Variants in SEC24C observed in about 807,000 individuals in gnomAD.
The protein encoded by SEC24C is SEC24 homolog C, COPII component.
In SEC24C, 22 loss-of-function variants were observed where a neutral mutation model predicts 117.0. That is an observed-to-expected ratio of 0.19 (90% confidence interval 0.13 to 0.27). The LOEUF is 0.27. Among genes scored for constraint, SEC24C ranks in the 10% least tolerant of loss-of-function variants. SEC24C has a pLI of 1.00. For synonymous variants in SEC24C, 506 were observed against 529.4 expected, an observed-to-expected ratio of 0.96 and a Z score of 0.61; for missense variants, 1,155 against 1,375.1, an observed-to-expected ratio of 0.84 and a Z score of 2.53.
intron 6 of SEC24C, 86 bp downstream of exon 6, chr10:73,760,935 T>C (rs2082788150): frequency 7.4e-7 from 1 of 1,355,586 alleles, no homozygotes; most frequent in Non-Finnish European, 9.9e-7. Flanking sequence ...TGCCTAGCAT[T>C]TTCTGATAAT....
chr10:73,764,119 G>A lies in SEC24C; in HGVS notation c.1227+136G>A, dbSNP rs1196489688. 4 of 1,192,560 alleles carry A rather than the reference G, an allele frequency of 3.4e-6. 1 individual carries two copies. Among genetic ancestry groups the A allele is most frequent in the Admixed American group, 5.6e-5 (2 of 35,704 alleles). The allele number at this position is 1,192,560 out of a possible 1,614,324, so 73.9% of individuals were successfully genotyped here. A position where few individuals can be genotyped will look rare whatever the true frequency, so the allele number is the denominator to read the frequency against. On this transcript the variant is annotated intron_variant, in intron 8 of 22. Transcript: ENST00000345254. Reference sequence around the variant, plus strand: ...GCAGGAGAGGAGACTGTCTTTAGTGGCTTTCTATCCCAGGGCCCATGCCTG... The same window carrying A: ...GCAGGAGAGGAGACTGTCTTTAGTGACTTTCTATCCCAGGGCCCATGCCTG...
rs2082978693 is a variant in SEC24C at position 73,771,262 on chromosome 10, C to G, written c.*167C>G. 5.6e-6 allele frequency: 4 copies of G among 720,190 alleles called. No individual in the cohort carries two copies. The highest frequency in any genetic ancestry group is 1.8e-5 in the African/African-American group (1 of 56,104). The allele number at this position is 720,190 out of a possible 1,614,324, so 44.6% of individuals were successfully genotyped here. ...CTTTCTGGGCTCAAGTATCCTGCCACTCTGTCATGTCCTGCTGATGGAAGG... is the reference window on the plus strand; with the variant it reads ...CTTTCTGGGCTCAAGTATCCTGCCAGTCTGTCATGTCCTGCTGATGGAAGG... On this transcript the variant is annotated 3_prime_UTR_variant, in exon 23 of 23. Coordinates refer to ENST00000345254, the MANE Select transcript of SEC24C (RefSeq NM_198597.3).
Position 73,746,848 on chromosome 10 carries a change from T to G in SEC24C, c.16T>G (p.Ser6Ala). The change falls in exon 2 of 23, where the codon TCA becomes GCA. Residue 6 changes from serine to alanine, a missense_variant. Physicochemically the swap from Ser to Ala is moderately conservative, Grantham distance 99 (BLOSUM62 1). Coordinates refer to ENST00000345254, the MANE Select transcript of SEC24C (RefSeq NM_198597.3). MNVNQ[S>A]VPPVPPFGQP... The stretch of plus-strand genomic sequence containing the variant: ...TGCTTTCATAATGAACGTCAACCAG[T>G]CAGTTCCACCTGTGCCACCATTTGG... 6.2e-7 allele frequency: 1 copy of G among 1,608,688 alleles called. No homozygotes were observed. Among genetic ancestry groups the G allele is most frequent in the Non-Finnish European group, 8.5e-7 (1 of 1,177,370 alleles).
At chr10:73,745,499 G>A (rs566151446) in intron 1 of SEC24C, among the ~76,000 whole-genome samples, 4 of 151,874 alleles carry the variant, frequency 2.6e-5, no homozygotes, top group South Asian at 4.2e-4. Flanking sequence ...TTTGGTGCCT[G>A]TTCTGCACTT....
At chr10:73,763,431 C>A in intron 6 of SEC24C, 59 bp from the exon 7 acceptor site, 1 of 1,208,424 alleles carries the variant, frequency 8.3e-7, no homozygotes, top group Non-Finnish European at 1.2e-6. Flanking sequence ...ACTCTTGGCA[C>A]TCTGGGACCT....
chr10:73,756,043 G>A (rs769320681), intron 3 of SEC24C, among the ~76,000 whole-genome samples: 7 of 152,068 alleles, frequency 4.6e-5, no homozygotes, highest in Non-Finnish European at 1.0e-4. Flanking sequence ...GTAGAGATGA[G>A]GTTTCACCGT....
At chr10:73,768,981 C>A in intron 16 of SEC24C, 26 bp from the exon 17 acceptor site, 3 of 1,614,182 alleles carry the variant, frequency 1.9e-6, no homozygotes, top group African/African-American at 2.7e-5. Flanking sequence ...ATACTTTTTG[C>A]CCTGACCCTG....
Position 73,769,974 on chromosome 10 carries a change from A to C in SEC24C, c.2821A>C (p.Thr941Pro). 1 of 1,614,160 alleles carries C rather than the reference A, an allele frequency of 6.2e-7. No homozygotes were observed. Among genetic ancestry groups the C allele is most frequent in the Non-Finnish European group, 8.5e-7 (1 of 1,180,036 alleles). Reference protein sequence around the residue: ...VRQLVTSMDVTETNVFFYPRL... With the variant: ...VRQLVTSMDVPETNVFFYPRL... The stretch of plus-strand genomic sequence containing the variant: ...ACAGCTAGTTACCTCCATGGATGTG[A>C]CTGAGACCAATGTCTTCTTCTACCC... The change falls in exon 20 of 23, where the codon ACT becomes CCT. Residue 941 changes from threonine to proline, a missense_variant. Around this residue, in one of 2 missense-constraint regions of SEC24C, gnomAD observed 759 missense variants for 992.3 expected, o/e 0.76. Transcript: ENST00000345254. The surrounding 1 kb of genome is among the most constrained non-coding windows in gnomAD (Gnocchi z 4.5).
At chr10:73,757,261 C>G (rs1204801269) in intron 3 of SEC24C, among the ~76,000 whole-genome samples, 2 of 142,428 alleles carry the variant, frequency 1.4e-5, no homozygotes, top group African/African-American at 5.1e-5. Context: ...TGGCTCATGC[C>G]TGTAGTAATC....
intron 2 of SEC24C, among the ~76,000 whole-genome samples, chr10:73,749,910 T>C (rs1306912717): frequency 6.6e-6 from 1 of 152,198 alleles, no homozygotes; most frequent in Non-Finnish European, 1.5e-5. Flanking sequence ...TTGGAAATAG[T>C]TAACAGTAGA....
chr10:73,756,181 A>G (rs1027318058), intron 3 of SEC24C, among the ~76,000 whole-genome samples: 1 of 152,176 alleles, frequency 6.6e-6, no homozygotes, highest in Admixed American at 6.5e-5. Flanking sequence ...TCAGAGTGGT[A>G]AATTGACTCT....
At chr10:73,767,720 G>C (rs935062473) in intron 14 of SEC24C, 117 bp from the exon 15 acceptor site, 18 of 753,976 alleles carry the variant, frequency 2.4e-5, no homozygotes, top group Non-Finnish European at 3.4e-5. Context: ...AAAATCCTTG[G>C]AAGTAGATCT....
chr10:73,746,346 G>C (rs546603658), intron 1 of SEC24C, among the ~76,000 whole-genome samples: 38 of 152,284 alleles, frequency 2.5e-4, no homozygotes, highest in African/African-American at 9.1e-4. Context: ...TTTTTAGCCT[G>C]ATTGATTTTA....
Position 73,746,829 on chromosome 10 carries a change from C to G in SEC24C, c.-4C>G. ...GGTGAGATCAAATTGGGAATGCTTT[C>G]ATAATGAACGTCAACCAGTCAGTTC... On this transcript the variant is annotated 5_prime_UTR_variant, in exon 2 of 23. The change creates a premature stop within an existing upstream ORF in the 5' untranslated region. Coordinates refer to ENST00000345254, the MANE Select transcript of SEC24C (RefSeq NM_198597.3). 6.2e-7 allele frequency: 1 copy of G among 1,601,016 alleles called. No homozygotes were observed. The highest frequency in any genetic ancestry group is 2.2e-5 in the East Asian group (1 of 44,466).
rs762430320 is a variant in SEC24C at position 73,751,161 on chromosome 10, G to C, written c.226G>C (p.Ala76Pro). 5 of 1,614,162 alleles carry C rather than the reference G, an allele frequency of 3.1e-6. No homozygotes were observed. Among genetic ancestry groups the C allele is most frequent in the Non-Finnish European group, 4.2e-6 (5 of 1,180,002 alleles). ...SGAPPASTAQ[A>P]PCGQAAYGQF... Reference sequence around the variant, plus strand: ...GGCACCTCCAGCCTCAACAGCACAGGCTCCTTGTGGCCAGGCTGCATATGG... The same window carrying C: ...GGCACCTCCAGCCTCAACAGCACAGCCTCCTTGTGGCCAGGCTGCATATGG... The change falls in exon 3 of 23, where the codon GCT becomes CCT. Residue 76 changes from alanine (A) to proline (P), a missense_variant. Physicochemically the swap from Ala to Pro is conservative, Grantham distance 27. Around this residue, in one of 2 missense-constraint regions of SEC24C, gnomAD observed 396 missense variants for 382.8 expected, o/e 1.03. Transcript: ENST00000345254.
chr10:73,762,453 T>C (rs2082812476), intron 6 of SEC24C, among the ~76,000 whole-genome samples: 1 of 152,164 alleles, frequency 6.6e-6, no homozygotes, highest in Non-Finnish European at 1.5e-5. Flanking sequence ...TTAGTTCTGC[T>C]GGCACCTCCA....
Position 73,751,137 on chromosome 10 carries a change from G to A in SEC24C, c.202G>A (p.Ala68Thr). 1.9e-6 allele frequency: 3 copies of A among 1,614,080 alleles called. No homozygotes were observed. The highest frequency in any genetic ancestry group is 2.5e-6 in the Non-Finnish European group (3 of 1,179,962). ...GMSRAPPSSGAPPASTAQAPC... is the reference protein window; with the variant it reads ...GMSRAPPSSGTPPASTAQAPC... ...GTCAAGAGCCCCACCTTCCTCGGGG[G>A]CACCTCCAGCCTCAACAGCACAGGC... The change falls in exon 3 of 23, where the codon GCA becomes ACA. Residue 68 changes from alanine (A) to threonine (T), a missense_variant. Ala to Thr is a moderately conservative substitution (Grantham distance 58, BLOSUM62 0). Coordinates refer to ENST00000345254, the MANE Select transcript of SEC24C (RefSeq NM_198597.3).
chr10:73,770,038 G>A (rs1227579099), intron 20 of SEC24C, 23 bp downstream of exon 20: 1 of 1,611,418 alleles, frequency 6.2e-7, no homozygotes. Flanking sequence ...GTTGGAGTAT[G>A]AGATCTTGCA....
chr10:73,746,711 G>A, intron 1 of SEC24C, 94 bp from the exon 2 acceptor site: 4 of 791,296 alleles, frequency 5.1e-6, no homozygotes, highest in Middle Eastern at 5.5e-4. Context: ...ATCACTGTCT[G>A]ATAAGGTCAA....
Sources: gnomAD v4.1 joint callset for allele counts (sites outside exome capture counted in the v4.1 genomes callset) on GRCh38, gnomAD v4.1.1 for gene constraint, gnomAD v4.1.1 regional missense constraint, Gnocchi (gnomAD v3.1) non-coding constraint, MANE v1.5 for transcripts, NCBI Gene and HGNC (gene_info 2026-07-23, HGNC 2026-07-21) for gene names.